The following ZNF609 variants were observed in gnomAD, a reference collection of about 807,000 sequenced individuals.
The protein encoded by ZNF609 is zinc finger protein 609.
A neutral mutation model predicts 109.5 loss-of-function variants in ZNF609; 11 were observed. The ratio of observed to expected loss-of-function variants is 0.10; its 90% CI spans 0.06 to 0.17. The LOEUF (loss-of-function observed/expected upper bound fraction) is 0.17. ZNF609 is among the 10% of genes least tolerant of loss of function. The probability of loss-of-function intolerance (pLI) is 1.00; values close to 1 mark genes in which losing one functional copy is unlikely to be tolerated. For synonymous variants in ZNF609, 646 were observed against 662.0 expected, an observed-to-expected ratio of 0.98 and a Z score of 0.37; for missense variants, 1,559 against 1,772.4, an observed-to-expected ratio of 0.88 and a Z score of 2.16.
At chr15:64,536,155 G>C (rs953823421) in intron 2 of ZNF609, among the ~76,000 whole-genome samples, 1 of 152,020 alleles carries the variant, frequency 6.6e-6, no homozygotes, top group African/African-American at 2.4e-5. Flanking sequence ...TGAGTAGCTA[G>C]TACTACAGGC....
rs568876513 is a variant in ZNF609 at position 64,589,352 on chromosome 15, G to A, written c.748-33475G>A. 7.2e-5 allele frequency among the ~76,000 whole-genome samples: 11 copies of A among 152,106 alleles called. No individual in the cohort carries two copies. In the East Asian group the frequency reaches 1.9e-3, roughly 27 times the overall value. On this transcript the variant is annotated intron_variant, in intron 2 of 9. Coordinates refer to ENST00000326648, the MANE Select transcript of ZNF609 (RefSeq NM_015042.2). ...AAGCCCTTTTTGGAGGATCCCTAGG[G>A]CACATTTAATAACAACAGAAACTTC...
rs115968918 is a variant in ZNF609, at chr15:64,511,639, T to G, written c.747+11473T>G. 7.9e-3 allele frequency among the ~76,000 whole-genome samples: 1,199 copies of G among 151,998 alleles called. 22 individuals carry two copies. Among genetic ancestry groups the G allele is most frequent in the African/African-American group, 0.028 (1,152 of 41,454 alleles). On this transcript the variant is annotated intron_variant, in intron 2 of 9. Transcript: ENST00000326648. ...AGACAGCTTAGGGTACGTATCAGAG[T>G]CACTTCTGGAGGTTTTACAAAGTAT...
intron 3 of ZNF609, among the ~76,000 whole-genome samples, chr15:64,626,914 C>T (rs1895971483): frequency 6.6e-6 from 1 of 152,144 alleles, no homozygotes; most frequent in South Asian, 2.1e-4. Flanking sequence ...TATGTAAGGG[C>T]TAGTTCCACT....
chr15:64,523,584 C>T (rs1475160920), intron 2 of ZNF609, among the ~76,000 whole-genome samples: 1 of 151,808 alleles, frequency 6.6e-6, no homozygotes, highest in African/African-American at 2.4e-5. Context: ...TGGCCAACAT[C>T]GTGAAACCCT....
At chr15:64,511,481 CAAA>C (rs796464007) in intron 2 of ZNF609, among the ~76,000 whole-genome samples, 14 of 65,154 alleles carry the variant, frequency 2.1e-4, no homozygotes, top group Admixed American at 3.6e-4. Context: ...AACTTTGTCT[CAAA>C]AAAAAAAAAA....
In ZNF609 at chr15:64,675,305, C is replaced by A; in HGVS notation, c.2451C>A (p.Thr817=). Residue 817 remains threonine (T), a synonymous_variant, in exon 5 of 10, where the codon ACC becomes ACA. Transcript: ENST00000326648. ...IGGSSRLENT[T]PTQPLTPLHV... ...GCAGTAGCCGCCTTGAAAACACTAC[C>A]CCTACTCAGCCCCTGACTCCCTTAC... The A allele has an allele frequency of 6.2e-7, 1 of 1,614,092 alleles. No individual in the cohort carries two copies. Among genetic ancestry groups the A allele is most frequent in the South Asian group, 1.1e-5 (1 of 91,084 alleles).
intron 2 of ZNF609, among the ~76,000 whole-genome samples, chr15:64,570,429 G>A (rs1318296258): frequency 6.6e-6 from 1 of 152,132 alleles, no homozygotes; most frequent in Non-Finnish European, 1.5e-5. Flanking sequence ...AGTTCCTGGT[G>A]GCCTTGCTTA....
intron 2 of ZNF609, among the ~76,000 whole-genome samples, chr15:64,590,598 C>T (rs1895276512): frequency 6.6e-6 from 1 of 151,892 alleles, no homozygotes; most frequent in South Asian, 2.1e-4. Context: ...GAATTGCCCA[C>T]GTGAGCCACC....
Position 64,678,514 on chromosome 15 carries a change from C to T in ZNF609, c.3769+32C>T. 4 of 1,527,866 alleles carry T rather than the reference C, an allele frequency of 2.6e-6. No homozygotes were observed. The South Asian group carries it at 3.9e-5, about 15-fold the overall frequency. 94.6% of individuals were successfully genotyped at this position (1,527,866 alleles called of 1,614,324 possible). ...CACCAAGTGCCAGCACTATTCCATT[C>T]ACTGGAAGGGGGAATGAAGCACAGA... On this transcript the variant is annotated intron_variant, in intron 6 of 9. Coordinates refer to ENST00000326648, the MANE Select transcript of ZNF609 (RefSeq NM_015042.2).
At chr15:64,462,388 A>G (rs535582227) in intron 1 of ZNF609, among the ~76,000 whole-genome samples, 15 of 152,338 alleles carry the variant, frequency 9.8e-5, no homozygotes, top group Admixed American at 6.5e-4. Flanking sequence ...TTGAATCATC[A>G]TATTTAATTC....
upstream of ZNF609, among the ~76,000 whole-genome samples, chr15:64,460,548 G>A (rs1310845537): frequency 6.6e-6 from 1 of 152,138 alleles, no homozygotes; most frequent in Non-Finnish European, 1.5e-5. Context: ...GGGCCTGGCA[G>A]TCCAGTGTCC....
At chr15:64,589,237 GT>G (rs1183651475) in intron 2 of ZNF609, among the ~76,000 whole-genome samples, 1 of 152,088 alleles carries the variant, frequency 6.6e-6, no homozygotes, top group African/African-American at 2.4e-5. Flanking sequence ...TTAATTGATG[GT>G]TTAGTAGCCA....
intron 3 of ZNF609, 86 bp downstream of exon 3, chr15:64,623,138 A>G: frequency 7.3e-7 from 1 of 1,367,976 alleles, no homozygotes; most frequent in Non-Finnish European, 1.0e-6. Context: ...AAATATTACC[A>G]AGTGGTTATT....
intron 3 of ZNF609, among the ~76,000 whole-genome samples, chr15:64,669,259 TG>T (rs1467679416): frequency 6.6e-6 from 1 of 152,208 alleles, no homozygotes; most frequent in African/African-American, 2.4e-5. Flanking sequence ...ATGAAGCATT[TG>T]TACAAGATTA....
chr15:64,497,593 T>C (rs535310236), intron 1 of ZNF609, among the ~76,000 whole-genome samples: 1 of 152,234 alleles, frequency 6.6e-6, no homozygotes, highest in South Asian at 2.1e-4. Flanking sequence ...TTCTTTCTAC[T>C]CAATTACCTT....
chr15:64,672,580 G>A (rs1251434695), intron 4 of ZNF609, among the ~76,000 whole-genome samples: 2 of 144,354 alleles, frequency 1.4e-5, no homozygotes, highest in African/African-American at 5.1e-5. Flanking sequence ...AGCTGAGATC[G>A]CTCCACTGCA....
At chr15:64,678,907 A>G (rs185997719) in intron 6 of ZNF609, among the ~76,000 whole-genome samples, 1 of 152,350 alleles carries the variant, frequency 6.6e-6, no homozygotes, top group East Asian at 1.9e-4. Context: ...ATCATAGTGG[A>G]GAGACACAAA....
At chr15:64,497,928 A>G (rs1485859579) in intron 1 of ZNF609, among the ~76,000 whole-genome samples, 4 of 151,440 alleles carry the variant, frequency 2.6e-5, no homozygotes, top group Admixed American at 6.6e-5. Flanking sequence ...TTTTTAATGG[A>G]TAGAGAAAGG....
At chr15:64,555,990 C>CTT (rs796942761) in intron 2 of ZNF609, among the ~76,000 whole-genome samples, 2 of 140,134 alleles carry the variant, frequency 1.4e-5, no homozygotes, top group Non-Finnish European at 1.6e-5. Context: ...CAATAACTAC[C>CTT]TTTTTTTTTT....
Sources: allele counts gnomAD v4.1 joint callset (sites outside exome capture counted in the v4.1 genomes callset), GRCh38; gene constraint gnomAD v4.1.1; transcripts MANE v1.5; gene names NCBI Gene and HGNC (gene_info 2026-07-23, HGNC 2026-07-21).